The following SYT9 variants were observed in gnomAD, a reference collection of about 807,000 sequenced individuals.
SYT9 encodes synaptotagmin-9.
In SYT9, 22 loss-of-function variants were observed where a neutral mutation model predicts 48.4. That is an observed-to-expected ratio of 0.45 (90% CI 0.32 to 0.65). The LOEUF (loss-of-function observed/expected upper bound fraction) is 0.65. Among genes scored for constraint, SYT9 ranks in the 30% least tolerant of loss-of-function variants. The pLI is 0.03. For synonymous variants in SYT9, 265 were observed against 245.0 expected, an observed-to-expected ratio of 1.08 and a Z score of -0.76; for missense variants, 577 against 622.0, an observed-to-expected ratio of 0.93 and a Z score of 0.77.
intron 3 of SYT9, among the ~76,000 whole-genome samples, chr11:7,325,117 AG>A (rs1849406872): frequency 1.3e-5 from 2 of 152,288 alleles, no homozygotes; most frequent in Non-Finnish European, 2.9e-5. Context: ...GCATTTATAA[AG>A]TTTAAAAATT....
At chr11:7,330,880 A>G (rs1849515383) in intron 3 of SYT9, among the ~76,000 whole-genome samples, 1 of 152,124 alleles carries the variant, frequency 6.6e-6, no homozygotes, top group Non-Finnish European at 1.5e-5. Flanking sequence ...TATTTTTAGT[A>G]GAGACAGGGT....
chr11:7,331,242 A>C, intron 3 of SYT9, among the ~76,000 whole-genome samples: 1 of 57,932 alleles, frequency 1.7e-5, no homozygotes, highest in East Asian at 0.015. Flanking sequence ...ATTGAGGACC[A>C]ATACCAGTCA....
At chr11:7,455,334 ATTTTT>A (rs34629945) in intron 6 of SYT9, among the ~76,000 whole-genome samples, 1 of 136,538 alleles carries the variant, frequency 7.3e-6, no homozygotes, top group African/African-American at 2.7e-5. Context: ...TGTTTAAGCT[ATTTTT>A]TTTTTTTTTT....
chr11:7,389,458 C>A (rs114917237), intron 3 of SYT9, among the ~76,000 whole-genome samples: 23 of 152,156 alleles, frequency 1.5e-4, no homozygotes, highest in Admixed American at 3.9e-4. Flanking sequence ...TAAGATGCTA[C>A]CCCCATTATC....
intron 6 of SYT9, among the ~76,000 whole-genome samples, chr11:7,421,201 G>T (rs1244072404): frequency 1.3e-5 from 2 of 152,180 alleles, no homozygotes; most frequent in Non-Finnish European, 2.9e-5. Context: ...GCAGCTCCAT[G>T]ATCAACAAGA....
At chr11:7,245,597 T>G (rs1450903674) in intron 1 of SYT9, among the ~76,000 whole-genome samples, 1 of 152,138 alleles carries the variant, frequency 6.6e-6, no homozygotes, top group Non-Finnish European at 1.5e-5. Flanking sequence ...ATTAGGTAAT[T>G]TAAAAAGAAA....
chr11:7,409,607 A>T (rs1252443644), intron 3 of SYT9, among the ~76,000 whole-genome samples: 1 of 152,012 alleles, frequency 6.6e-6, no homozygotes, highest in South Asian at 2.1e-4. Flanking sequence ...GGTAGCTTGT[A>T]TATTTCCAGA....
intron 3 of SYT9, among the ~76,000 whole-genome samples, chr11:7,394,581 A>G (rs1846708802): frequency 6.6e-6 from 1 of 152,056 alleles, no homozygotes. Context: ...TTCTTTGTTA[A>G]TCTAGCTAGT....
chr11:7,335,675 C>T (rs562174573), intron 3 of SYT9, among the ~76,000 whole-genome samples: 2 of 152,124 alleles, frequency 1.3e-5, no homozygotes, highest in African/African-American at 4.8e-5. Flanking sequence ...CATAGTAGTC[C>T]ATGGAATATT....
rs567007233 is a variant in SYT9 at position 7,406,685 on chromosome 11, A to G, written c.1045-9357A>G. On this transcript the variant is annotated intron_variant, in intron 3 of 6. Coordinates refer to ENST00000318881, the MANE Select transcript of SYT9 (RefSeq NM_175733.4). ...GTGCAGGTATCCCTCTGATACACGG[A>G]TTTCCTTTCCTTTGGTTAAATACCT... Among the ~76,000 whole-genome samples, 27 of 151,816 alleles carry G rather than the reference A, an allele frequency of 1.8e-4. No individual in the cohort carries two copies. In the East Asian group the frequency reaches 2.1e-3, roughly 12 times the overall value.
intron 2 of SYT9, among the ~76,000 whole-genome samples, chr11:7,312,418 C>T (rs1004434367): frequency 6.6e-6 from 1 of 152,028 alleles, no homozygotes; most frequent in African/African-American, 2.4e-5. Context: ...GGTTGTTGAG[C>T]GAATGCATAC....
intron 1 of SYT9, among the ~76,000 whole-genome samples, chr11:7,262,787 G>T (rs773211974): frequency 7.2e-5 from 11 of 152,132 alleles, no homozygotes; most frequent in Non-Finnish European, 1.6e-4. Flanking sequence ...AGCCTGATTG[G>T]CATGGCTGTA....
intron 1 of SYT9, among the ~76,000 whole-genome samples, chr11:7,244,398 C>T (rs1048149626): frequency 6.6e-6 from 1 of 152,162 alleles, no homozygotes; most frequent in African/African-American, 2.4e-5. Flanking sequence ...GCTTTTATTT[C>T]ATCTCTCAAG....
rs376287314 is a variant in SYT9, at chr11:7,407,369, T to C, written c.1045-8673T>C. Among the ~76,000 whole-genome samples the C allele has an allele frequency of 6.3e-3, 262 of 41,770 alleles. 6 individuals are homozygous for C. Among genetic ancestry groups the C allele is most frequent in the African/African-American group, 0.031 (61 of 1,986 alleles). 27.4% of individuals were successfully genotyped at this position (41,770 alleles called of 152,430 possible). A position where few individuals can be genotyped will look rare whatever the true frequency, so the allele number is the denominator to read the frequency against. On this transcript the variant is annotated intron_variant, in intron 3 of 6. Transcript: ENST00000318881. ...TATGTTTAAGTCTATAATTTTTTTT[T>C]TTTTTTTTTTTTTTTTTTTTTTGAG...
At position 7,313,515 on chromosome 11, in the gene SYT9, G is replaced by A; in HGVS notation, c.618G>A (p.Arg206=). The A allele has an allele frequency of 6.2e-7, 1 of 1,614,190 alleles. No homozygotes were observed. ...TTAAACCAGAGTTATATAAGCAGAG[G>A]TCATTGGATAATGATGACGGGAGAC... ...GRIKPELYKQ[R]SLDNDDGRRS... is the part of the protein sequence containing the mutation. The change falls in exon 3 of 7, where the codon AGG becomes AGA. Residue 206 remains arginine, a synonymous_variant. Coordinates refer to ENST00000318881, the MANE Select transcript of SYT9 (RefSeq NM_175733.4).
At chr11:7,435,074 G>A (rs1847675997) in intron 6 of SYT9, 1 of 152,212 alleles carries the variant, frequency 6.6e-6, no homozygotes, top group African/African-American at 2.4e-5. Context: ...CTCAGGATAA[G>A]AAGGGGGAAA....
chr11:7,466,698 G>T (rs1848341003), intron 6 of SYT9, 94 bp from the exon 7 acceptor site: 57 of 1,346,592 alleles, frequency 4.2e-5, no homozygotes, highest in Non-Finnish European at 5.2e-5. Flanking sequence ...TCCAGCCTGG[G>T]TGACAGAGCA....
intron 3 of SYT9, among the ~76,000 whole-genome samples, chr11:7,329,230 T>G (rs1849487136): frequency 6.6e-6 from 1 of 152,176 alleles, no homozygotes; most frequent in Admixed American, 6.6e-5. Context: ...TTCTTTTTCC[T>G]ATTGATAGTG....
intron 3 of SYT9, among the ~76,000 whole-genome samples, chr11:7,391,079 T>C (rs1850756328): frequency 6.6e-6 from 1 of 152,140 alleles, no homozygotes; most frequent in Admixed American, 6.5e-5. Flanking sequence ...ATACATAATA[T>C]TGGTTTTCTG....
Sources: allele counts gnomAD v4.1 joint callset (sites outside exome capture counted in the v4.1 genomes callset), GRCh38; gene constraint gnomAD v4.1.1; transcripts MANE v1.5; gene names NCBI Gene and HGNC (gene_info 2026-07-23, HGNC 2026-07-21).